The following DNAL1 variants were observed in gnomAD, a reference collection of about 807,000 sequenced individuals.
DNAL1 encodes dynein axonemal light chain 1.
A neutral mutation model predicts 29.4 loss-of-function variants in DNAL1; 17 were observed. The ratio of observed to expected loss-of-function variants is 0.58; its 90% confidence interval spans 0.40 to 0.87. The LOEUF (loss-of-function observed/expected upper bound fraction) is 0.87. Ranked by LOEUF, DNAL1 falls within the 40% of genes least tolerant of loss-of-function variation. DNAL1 has a pLI of 0.00. For missense variants in DNAL1, 188 were observed against 214.1 expected, an observed-to-expected ratio of 0.88 and a Z score of 0.76; for synonymous variants, 78 against 76.3, an observed-to-expected ratio of 1.02 and a Z score of -0.12.
intron 1 of DNAL1, among the ~76,000 whole-genome samples, chr14:73,646,850 C>T (rs893747892): frequency 2.6e-5 from 4 of 152,148 alleles, no homozygotes; most frequent in Admixed American, 6.6e-5. Context: ...TTAACTGAAA[C>T]TTGTTATGCA....
At chr14:73,691,610 A>G (rs551835230) in intron 7 of DNAL1, among the ~76,000 whole-genome samples, 2 of 152,280 alleles carry the variant, frequency 1.3e-5, no homozygotes, top group South Asian at 2.1e-4. Context: ...ATGCAAGTGT[A>G]TAAGAAATAT....
intron 5 of DNAL1, 30 bp downstream of exon 5, chr14:73,671,627 A>G: frequency 7.1e-7 from 1 of 1,410,138 alleles, no homozygotes; most frequent in Non-Finnish European, 9.3e-7. Context: ...TATTTTATTT[A>G]TTTAATTTGC....
At chr14:73,685,633 T>A (rs995598967) in intron 5 of DNAL1, among the ~76,000 whole-genome samples, 3 of 152,042 alleles carry the variant, frequency 2.0e-5, no homozygotes, top group Admixed American at 1.3e-4. Context: ...CTAATTTTTT[T>A]ATATTTTTAT....
intron 4 of DNAL1, among the ~76,000 whole-genome samples, chr14:73,666,939 C>T (rs916125003): frequency 6.6e-6 from 1 of 151,838 alleles, no homozygotes; most frequent in Non-Finnish European, 1.5e-5. Context: ...GTCCCCACGA[C>T]TCAGTTCTTG....
intron 2 of DNAL1, among the ~76,000 whole-genome samples, chr14:73,657,858 G>A (rs910105170): frequency 6.6e-6 from 1 of 152,242 alleles, no homozygotes; most frequent in Non-Finnish European, 1.5e-5. Flanking sequence ...GCCTCCCGAA[G>A]TGCTGGGATT....
chr14:73,667,806 ATT>A, intron 4 of DNAL1, among the ~76,000 whole-genome samples: 1 of 152,256 alleles, frequency 6.6e-6, no homozygotes, highest in South Asian at 2.1e-4. Flanking sequence ...GCTGAGCCAT[ATT>A]TATCTCAGAT....
chr14:73,665,242 GT>G (rs978625540), intron 4 of DNAL1, among the ~76,000 whole-genome samples: 1 of 151,980 alleles, frequency 6.6e-6, no homozygotes, highest in African/African-American at 2.4e-5. Flanking sequence ...TACTTATACA[GT>G]GCTGGAAAGT....
intron 5 of DNAL1, among the ~76,000 whole-genome samples, chr14:73,676,427 CAAAT>C (rs1295934456): frequency 6.8e-6 from 1 of 146,506 alleles, no homozygotes; most frequent in Non-Finnish European, 1.5e-5. Flanking sequence ...TGTGGATATA[CAAAT>C]AAATAGCTCT....
In DNAL1 at chr14:73,687,425, G is replaced by T. The variant is rs894436611; in HGVS notation, c.391+40G>T. ...GCCCTTTGCTAACCTTCTACCGCCT[G>T]TTTATAGAAAATAGTCCGAGAGGGA... On this transcript the variant is annotated intron_variant, in intron 6 of 7. Transcript: ENST00000553645. 3 of 1,491,968 alleles carry T rather than the reference G, an allele frequency of 2.0e-6. No homozygotes were observed. The African/African-American group carries it at 4.2e-5, about 21-fold the overall frequency. The allele number at this position is 1,491,968 out of a possible 1,614,324, so 92.4% of individuals were successfully genotyped here. A position where few individuals can be genotyped will look rare whatever the true frequency, so the allele number is the denominator to read the frequency against.
chr14:73,649,972 C>T (rs1891076450), intron 1 of DNAL1, among the ~76,000 whole-genome samples: 1 of 151,896 alleles, frequency 6.6e-6, no homozygotes, highest in South Asian at 2.1e-4. Flanking sequence ...AGTTGTTATA[C>T]TGTATTTTTG....
At chr14:73,677,188 T>G (rs1426493712) in intron 5 of DNAL1, among the ~76,000 whole-genome samples, 1 of 152,062 alleles carries the variant, frequency 6.6e-6, no homozygotes, top group African/African-American at 2.4e-5. Flanking sequence ...GCCAGGATGG[T>G]CTCGATCTCC....
At chr14:73,692,610 GAA>G (rs59651369) in intron 7 of DNAL1, among the ~76,000 whole-genome samples, 6 of 123,280 alleles carry the variant, frequency 4.9e-5, no homozygotes, top group African/African-American at 1.5e-4. Flanking sequence ...AGTGAGCCGA[GAA>G]AAAAAAAAAA....
At chr14:73,668,971 C>T (rs966567906) in intron 4 of DNAL1, among the ~76,000 whole-genome samples, 1 of 152,188 alleles carries the variant, frequency 6.6e-6, no homozygotes, top group Non-Finnish European at 1.5e-5. Flanking sequence ...GCCTCTACAC[C>T]TGGCCCCTCC....
intron 5 of DNAL1, among the ~76,000 whole-genome samples, chr14:73,672,759 ATT>A (rs376650794): frequency 7.0e-6 from 1 of 141,962 alleles, no homozygotes; most frequent in Non-Finnish European, 1.5e-5. Flanking sequence ...TAAAAATTTG[ATT>A]TTTTTTTTTT....
chr14:73,682,017 C>T (rs1204419215), intron 5 of DNAL1, among the ~76,000 whole-genome samples: 1 of 151,438 alleles, frequency 6.6e-6, no homozygotes, highest in East Asian at 1.9e-4. Flanking sequence ...AAGGCTGAGG[C>T]AGGAGAATCA....
chr14:73,686,123 T>C (rs1357761150), intron 5 of DNAL1, among the ~76,000 whole-genome samples: 1 of 152,222 alleles, frequency 6.6e-6, no homozygotes. Flanking sequence ...TTCTGTGATT[T>C]TGATAGTAGC....
At chr14:73,683,764 A>G (rs1333609082) in intron 5 of DNAL1, among the ~76,000 whole-genome samples, 1 of 151,828 alleles carries the variant, frequency 6.6e-6, no homozygotes, top group Non-Finnish European at 1.5e-5. Flanking sequence ...CTGGAGTGCC[A>G]TGGTGTGATC....
Sources: allele counts gnomAD v4.1 joint callset (sites outside exome capture counted in the v4.1 genomes callset), GRCh38; gene constraint gnomAD v4.1.1; transcripts MANE v1.5; gene names NCBI Gene and HGNC (gene_info 2026-07-23, HGNC 2026-07-21).